Variants in CX3CL1 observed in about 807,000 individuals in gnomAD.
The protein encoded by CX3CL1 is C-X3-C motif chemokine ligand 1, also known as fractalkine.
Under a neutral mutation model 14.1 loss-of-function variants are expected in CX3CL1, and 1 was observed. That is an observed-to-expected ratio of 0.07 (90% CI 0.03 to 0.34). The LOEUF is 0.34. Ranked by LOEUF, CX3CL1 falls within the 10% of genes least tolerant of loss-of-function variation. The pLI, the probability that CX3CL1 is intolerant of heterozygous loss-of-function variation, is 0.99. For synonymous variants in CX3CL1, 255 were observed against 229.6 expected (o/e 1.11, Z -1.00); for missense variants, 505 against 536.4 (o/e 0.94, Z 0.58).
rs1282299793 is a variant in CX3CL1, at chr16:57,382,143, C to G, written c.305C>G (p.Thr102Ser). The G allele has an allele frequency of 6.2e-7, 1 of 1,613,916 alleles. No individual in the cohort carries two copies. The highest frequency in any genetic ancestry group is 8.5e-7 in the Non-Finnish European group (1 of 1,180,014). Residue 102 changes from threonine to serine, a missense_variant, in exon 3 of 3, where the codon ACC (threonine) becomes AGC (serine). By Grantham distance (58) the Thr-to-Ser change is moderately conservative (BLOSUM62 1). Coordinates refer to ENST00000006053, the MANE Select transcript of CX3CL1 (RefSeq NM_002996.6). The surrounding 1 kb of genome is among the most constrained non-coding windows in gnomAD (Gnocchi z 6.9). ...GCTGCCCTAACTCGAAATGGCGGCA[C>G]CTTCGAGAAGCAGATCGGCGAGGTG... ...QAAALTRNGG[T>S]FEKQIGEVKP...
At chr16:57,376,122 A>G (rs1902241423) in intron 1 of CX3CL1, among the ~76,000 whole-genome samples, 1 of 152,246 alleles carries the variant, frequency 6.6e-6, no homozygotes, top group Non-Finnish European at 1.5e-5. Context: ...CAATTAAAAA[A>G]AATAAATAAA....
At position 57,383,211 on chromosome 16, in the gene CX3CL1, A is replaced by C; in HGVS notation, c.*179A>C. ...ATTCCCCAGGAGGCCAGCCTTGACC[A>C]TTCTCCACCTGCCAGGGACAGAGGG... On this transcript the variant is annotated 3_prime_UTR_variant, in exon 3 of 3. Coordinates refer to ENST00000006053, the MANE Select transcript of CX3CL1 (RefSeq NM_002996.6). 2.0e-6 allele frequency: 1 copy of C among 491,510 alleles called. No individual in the cohort carries two copies. Among genetic ancestry groups the C allele is most frequent in the Non-Finnish European group, 3.2e-6 (1 of 307,920 alleles). The allele number at this position is 491,510 out of a possible 1,614,324, so 30.4% of individuals were successfully genotyped here. A position where few individuals can be genotyped will look rare whatever the true frequency, so the allele number is the denominator to read the frequency against.
rs981565752 is a variant in CX3CL1 at position 57,380,455 on chromosome 16, G to A, written c.191+701G>A. Among the ~76,000 whole-genome samples, 47 of 152,182 alleles carry A rather than the reference G, an allele frequency of 3.1e-4. 1 individual carries two copies. Among genetic ancestry groups the A allele is most frequent in the Non-Finnish European group, 6.3e-4 (43 of 68,034 alleles). On this transcript the variant is annotated intron_variant, in intron 2 of 2. Coordinates refer to ENST00000006053, the MANE Select transcript of CX3CL1 (RefSeq NM_002996.6). ...CGCCTGTAATCCCAGCTACTCGGGA[G>A]GTTGAGGCAGGAGAATCGCTTGAAC...
intron 1 of CX3CL1, 51 bp downstream of exon 1, chr16:57,372,689 T>C (rs1186601281): frequency 6.3e-7 from 1 of 1,588,990 alleles, no homozygotes; most frequent in South Asian, 1.1e-5. Flanking sequence ...CCCCAGCCCC[T>C]TGTCTATCCC....
At chr16:57,373,176 G>A (rs1046517666) in intron 1 of CX3CL1, among the ~76,000 whole-genome samples, 3 of 152,200 alleles carry the variant, frequency 2.0e-5, no homozygotes, top group African/African-American at 4.8e-5. Flanking sequence ...TGCCACTGCT[G>A]TGCTAGTCTA....
intron 1 of CX3CL1, among the ~76,000 whole-genome samples, chr16:57,375,066 G>A (rs1314144911): frequency 1.3e-5 from 2 of 151,868 alleles, no homozygotes; most frequent in Admixed American, 6.6e-5. Flanking sequence ...CTTGAACCTG[G>A]GAGGCAGAGG....
chr16:57,381,303 G>T (rs1392438356), intron 2 of CX3CL1, among the ~76,000 whole-genome samples: 1 of 152,160 alleles, frequency 6.6e-6, no homozygotes, highest in Non-Finnish European at 1.5e-5. Flanking sequence ...TGGGCTTGGT[G>T]GTGAACTAGC....
In CX3CL1 at chr16:57,382,090, C is replaced by T. The variant is rs150847141; in HGVS notation, c.252C>T (p.Asp84=). The T allele has an allele frequency of 7.2e-5, 116 of 1,613,600 alleles. No homozygotes were observed. In the African/African-American group the frequency reaches 1.2e-3, roughly 17 times the overall value. The change falls in exon 3 of 3, where the codon GAC becomes GAT. Residue 84 remains aspartate, a synonymous_variant. Coordinates refer to ENST00000006053, the MANE Select transcript of CX3CL1 (RefSeq NM_002996.6). This position sits in a 1 kb window ranked among gnomAD's most constrained non-coding sequence, Gnocchi z 6.9. The stretch of plus-strand genomic sequence containing the variant: ...ACCCGAAGGAGCAATGGGTCAAGGA[C>T]GCGATGCAGCATCTGGACCGCCAGG... ...CADPKEQWVK[D]AMQHLDRQAA... is the part of the protein sequence containing the mutation.
intron 2 of CX3CL1, among the ~76,000 whole-genome samples, chr16:57,380,762 T>C (rs1169387337): frequency 6.6e-6 from 1 of 152,098 alleles, no homozygotes. Flanking sequence ...TCTTGGGTCC[T>C]GTCTAACCAG....
chr16:57,379,110 T>A (rs1430343968), intron 1 of CX3CL1: 1 of 153,106 alleles, frequency 6.5e-6, no homozygotes, highest in East Asian at 1.9e-4. Flanking sequence ...GCAGATCACC[T>A]GAGGTCGGGA....
At chr16:57,376,651 G>T (rs1331486335) in intron 1 of CX3CL1, among the ~76,000 whole-genome samples, 1 of 151,974 alleles carries the variant, frequency 6.6e-6, no homozygotes, top group East Asian at 1.9e-4. Flanking sequence ...AGAGGGAGTG[G>T]GTAGATGGAT....
At position 57,384,381 on chromosome 16, in the gene CX3CL1, G is replaced by A. The variant is rs1160350147; in HGVS notation, c.*1349G>A. ...TACCCGGGAAGGGGGCTGGGACATG[G>A]GAAAGGGGAAGTTGTAGGCATAAAG... is the stretch of plus-strand genomic sequence containing the variant. On this transcript the variant is annotated 3_prime_UTR_variant, in exon 3 of 3. Transcript: ENST00000006053. 6.6e-6 allele frequency: 1 copy of A among 152,386 alleles called. No individual in the cohort carries two copies. The highest frequency in any genetic ancestry group is 2.4e-5 in the African/African-American group (1 of 41,470). The allele number at this position is 152,386 out of a possible 1,614,324, so 9.4% of individuals were successfully genotyped here.
rs1158940904 is a variant in CX3CL1 at position 57,382,391 on chromosome 16, C to T, written c.553C>T (p.Leu185Phe). Reference protein sequence around the residue: ...AQDGGPVGTELFRVPPVSTAA... With the variant: ...AQDGGPVGTEFFRVPPVSTAA... ...GGATGGAGGGCCTGTGGGCACGGAG[C>T]TTTTCCGAGTGCCTCCCGTCTCCAC... Residue 185 changes from leucine to phenylalanine, a missense_variant, in exon 3 of 3, where the codon CTT becomes TTT. Physicochemically the swap from Leu to Phe is conservative, Grantham distance 22. Coordinates refer to ENST00000006053, the MANE Select transcript of CX3CL1 (RefSeq NM_002996.6). The surrounding 1 kb of genome is among the most constrained non-coding windows in gnomAD (Gnocchi z 6.9). 3 of 1,611,876 alleles carry T rather than the reference C, an allele frequency of 1.9e-6. No individual in the cohort carries two copies. The highest frequency in any genetic ancestry group is 2.7e-5 in the African/African-American group (2 of 74,922).
In CX3CL1 at chr16:57,384,493, T is replaced by C. The variant is rs1264692206; in HGVS notation, c.*1461T>C. 3 of 152,374 alleles carry C rather than the reference T, an allele frequency of 2.0e-5. No individual in the cohort carries two copies. The highest frequency in any genetic ancestry group is 2.0e-4 in the Admixed American group (3 of 15,288). The allele number at this position is 152,374 out of a possible 1,614,324, so 9.4% of individuals were successfully genotyped here. A position where few individuals can be genotyped will look rare whatever the true frequency, so the allele number is the denominator to read the frequency against. On this transcript the variant is annotated 3_prime_UTR_variant, in exon 3 of 3. Transcript: ENST00000006053. ...TGGCCTGGCCCCTCAGGGTCCCTGGTGGCAGCTCACCTCTCCCTTGGATTG... is the reference window on the plus strand; with the variant it reads ...TGGCCTGGCCCCTCAGGGTCCCTGGCGGCAGCTCACCTCTCCCTTGGATTG...
Position 57,382,852 on chromosome 16 carries a change from C to G in CX3CL1, c.1014C>G (p.Thr338=). ...CTGTCCCTGACGCCCAGGCTGCCACCCGGAGGCAGGCGGTGGGGCTGCTGG... is the reference window on the plus strand; with the variant it reads ...CTGTCCCTGACGCCCAGGCTGCCACGCGGAGGCAGGCGGTGGGGCTGCTGG... ...ITPVPDAQAA[T]RRQAVGLLAF... The change falls in exon 3 of 3, where the codon ACC becomes ACG. Residue 338 remains threonine (T), a synonymous_variant. Coordinates refer to ENST00000006053, the MANE Select transcript of CX3CL1 (RefSeq NM_002996.6). The surrounding 1 kb of genome is among the most constrained non-coding windows in gnomAD (Gnocchi z 6.9). 1 of 1,559,206 alleles carries G rather than the reference C, an allele frequency of 6.4e-7. No individual in the cohort carries two copies. Among genetic ancestry groups the G allele is most frequent in the Non-Finnish European group, 8.7e-7 (1 of 1,148,540 alleles).
chr16:57,376,387 G>T (rs1221132411), intron 1 of CX3CL1, among the ~76,000 whole-genome samples: 1 of 152,214 alleles, frequency 6.6e-6, no homozygotes, highest in Non-Finnish European at 1.5e-5. Flanking sequence ...GAGGGCCTGA[G>T]ATTTTTGTAT....
intron 2 of CX3CL1, among the ~76,000 whole-genome samples, chr16:57,381,706 C>T (rs1902321608): frequency 1.3e-5 from 2 of 152,156 alleles, no homozygotes; most frequent in Admixed American, 1.3e-4. Flanking sequence ...GTGATCAACT[C>T]GTCCGTGTTT....
At chr16:57,374,391 G>A (rs770061671) in intron 1 of CX3CL1, among the ~76,000 whole-genome samples, 35 of 152,046 alleles carry the variant, frequency 2.3e-4, no homozygotes, top group South Asian at 2.1e-4. Flanking sequence ...TCAGTGCAGA[G>A]CATTGCCCCC....
At chr16:57,374,077 T>C (rs1902213675) in intron 1 of CX3CL1, among the ~76,000 whole-genome samples, 1 of 152,128 alleles carries the variant, frequency 6.6e-6, no homozygotes, top group South Asian at 2.1e-4. Context: ...TACTGGAAGA[T>C]CCTGGGCATT....
Sources: allele counts gnomAD v4.1 joint callset (sites outside exome capture counted in the v4.1 genomes callset), GRCh38; gene constraint gnomAD v4.1.1; non-coding constraint Gnocchi (gnomAD v3.1); transcripts MANE v1.5; gene names NCBI Gene and HGNC (gene_info 2026-07-23, HGNC 2026-07-21).